HTR7: variants seen among roughly 807,000 people sequenced by gnomAD.
HTR7 encodes the protein 5-hydroxytryptamine receptor 7.
Under a neutral mutation model 34.0 loss-of-function variants are expected in HTR7, and 16 were observed. The observed-to-expected ratio is 0.47, with a 90% CI of 0.32 to 0.71. HTR7 has a LOEUF of 0.71. Ranked by LOEUF, HTR7 falls within the 30% of genes least tolerant of loss-of-function variation. The pLI, the probability that HTR7 is intolerant of heterozygous loss-of-function variation, is 0.04. For missense variants in HTR7, 504 were observed against 625.5 expected (o/e 0.81, Z 2.07); for synonymous variants, 265 against 260.2 (o/e 1.02, Z -0.18).
chr10:90,758,122 C>T (rs1033711573), intron 1 of HTR7, among the ~76,000 whole-genome samples: 6 of 151,726 alleles, frequency 4.0e-5, no homozygotes, highest in African/African-American at 1.5e-4. Context: ...CCAAGGAGGG[C>T]GGATCACGAG....
intron 1 of HTR7, among the ~76,000 whole-genome samples, chr10:90,837,804 CT>C (rs1181330911): frequency 6.6e-6 from 1 of 152,106 alleles, no homozygotes; most frequent in African/African-American, 2.4e-5. Flanking sequence ...GCCATCTCTC[CT>C]TTCCTCTCAT....
At chr10:90,834,263 T>C (rs1041990461) in intron 1 of HTR7, among the ~76,000 whole-genome samples, 2 of 152,120 alleles carry the variant, frequency 1.3e-5, no homozygotes, top group African/African-American at 4.8e-5. Context: ...CAAATAGTGC[T>C]CCTACCCTTG....
At position 90,857,116 on chromosome 10, in the gene HTR7, G is replaced by A. The variant is rs1846594142; in HGVS notation, c.539+17C>T. 1.3e-6 allele frequency: 2 copies of A among 1,531,262 alleles called. No individual in the cohort carries two copies. The highest frequency in any genetic ancestry group is 1.8e-6 in the Non-Finnish European group (2 of 1,135,298). The allele number at this position is 1,531,262 out of a possible 1,614,324, so 94.9% of individuals were successfully genotyped here. A position where few individuals can be genotyped will look rare whatever the true frequency, so the allele number is the denominator to read the frequency against. ...GGTCCCCAGCCGGAGCCTGGGACGG[G>A]GCGGTCCGGCCCTTACCTGTCAATG... On this transcript the variant is annotated intron_variant, in intron 1 of 3. Coordinates refer to ENST00000336152, the MANE Select transcript of HTR7 (RefSeq NM_019859.4). The surrounding 1 kb of genome is among the most constrained non-coding windows in gnomAD (Gnocchi z 6.5).
chr10:90,780,491 C>T (rs1158228399), intron 1 of HTR7, among the ~76,000 whole-genome samples: 2 of 144,430 alleles, frequency 1.4e-5, no homozygotes, highest in Non-Finnish European at 3.0e-5. Context: ...GAGCCGAGAT[C>T]GTGGCACTGC....
At chr10:90,808,545 C>A (rs1210880939) in intron 1 of HTR7, among the ~76,000 whole-genome samples, 1 of 151,286 alleles carries the variant, frequency 6.6e-6, no homozygotes, top group Non-Finnish European at 1.5e-5. Context: ...CACGCCCCAA[C>A]CTGTTATATC....
At chr10:90,780,840 C>A (rs917766422) in intron 1 of HTR7, among the ~76,000 whole-genome samples, 1 of 152,204 alleles carries the variant, frequency 6.6e-6, no homozygotes, top group Non-Finnish European at 1.5e-5. Context: ...CAGAAAGAGA[C>A]AGACATAACC....
At chr10:90,834,547 T>C (rs35358531) in intron 1 of HTR7, among the ~76,000 whole-genome samples, 9,248 of 152,140 alleles carry the variant, frequency 0.061, 380 homozygotes, top group East Asian at 0.11. Context: ...ATCATCTCAG[T>C]TGGGTTTTCT....
chr10:90,828,049 T>C (rs1846107708), intron 1 of HTR7, among the ~76,000 whole-genome samples: 1 of 151,682 alleles, frequency 6.6e-6, no homozygotes. Context: ...AAGAAATGAA[T>C]AACAAGCAAA....
chr10:90,769,379 A>C (rs765925430), intron 1 of HTR7, among the ~76,000 whole-genome samples: 9 of 152,198 alleles, frequency 5.9e-5, no homozygotes, highest in Non-Finnish European at 8.8e-5. Flanking sequence ...GATAATTGTT[A>C]ATTAATTTGC....
chr10:90,810,252 C>A (rs571312072), intron 1 of HTR7, among the ~76,000 whole-genome samples: 1 of 152,230 alleles, frequency 6.6e-6, no homozygotes, highest in Non-Finnish European at 1.5e-5. Context: ...CATCTCATTG[C>A]CACCTTTTCC....
Position 90,857,925 on chromosome 10 carries a change from G to A in HTR7, c.-254C>T, listed in dbSNP as rs903704911. On this transcript the variant is annotated 5_prime_UTR_variant, in exon 1 of 4. Transcript: ENST00000336152. This position sits in a 1 kb window ranked among gnomAD's most constrained non-coding sequence, Gnocchi z 6.5. ...GCTTCGGCCCCCGACGGACGCCTGG[G>A]ACGCGCGGAGTCGAGGGAGCTCGGG... 2.6e-5 allele frequency among the ~76,000 whole-genome samples: 4 copies of A among 151,294 alleles called. No individual in the cohort carries two copies. The highest frequency in any genetic ancestry group is 4.8e-5 in the African/African-American group (2 of 41,354).
At chr10:90,787,275 G>A (rs376965188) in intron 1 of HTR7, among the ~76,000 whole-genome samples, 1 of 152,246 alleles carries the variant, frequency 6.6e-6, no homozygotes, top group East Asian at 1.9e-4. Flanking sequence ...GGATCACAAG[G>A]TCAGGAGTTC....
chr10:90,757,203 A>G (rs529674102), intron 1 of HTR7, among the ~76,000 whole-genome samples: 1 of 152,362 alleles, frequency 6.6e-6, no homozygotes, highest in Non-Finnish European at 1.5e-5. Context: ...ACCCCATCCC[A>G]TAGAAGCAGT....
intron 1 of HTR7, among the ~76,000 whole-genome samples, chr10:90,780,197 A>G (rs1347363031): frequency 6.6e-6 from 1 of 152,222 alleles, no homozygotes; most frequent in Admixed American, 6.5e-5. Flanking sequence ...CCTGGGTGAC[A>G]TAGCAAGACC....
chr10:90,760,337 T>C (rs1428899451), intron 1 of HTR7, among the ~76,000 whole-genome samples: 3 of 152,104 alleles, frequency 2.0e-5, no homozygotes, highest in Non-Finnish European at 4.4e-5. Context: ...TAACAGAGGC[T>C]GGGAAGGGTA....
chr10:90,835,510 T>C (rs1321854475), intron 1 of HTR7, among the ~76,000 whole-genome samples: 1 of 152,236 alleles, frequency 6.6e-6, no homozygotes, highest in Admixed American at 6.5e-5. Flanking sequence ...TTCATATTCC[T>C]CTGCCTACCT....
intron 1 of HTR7, among the ~76,000 whole-genome samples, chr10:90,808,445 G>A (rs942314412): frequency 6.6e-6 from 1 of 152,082 alleles, no homozygotes; most frequent in Non-Finnish European, 1.5e-5. Flanking sequence ...CTGGGGGAGG[G>A]GCAAGTACCC....
intron 1 of HTR7, among the ~76,000 whole-genome samples, chr10:90,782,638 T>A (rs927427754): frequency 6.6e-6 from 1 of 151,264 alleles, no homozygotes; most frequent in Non-Finnish European, 1.5e-5. Flanking sequence ...AAATAAATAA[T>A]TGTGCTCTTA....
chr10:90,786,218 C>G (rs1257277755), intron 1 of HTR7, among the ~76,000 whole-genome samples: 1 of 152,184 alleles, frequency 6.6e-6, no homozygotes, highest in Non-Finnish European at 1.5e-5. Flanking sequence ...AGAGGATAAC[C>G]ATCGGGGTGC....
Sources: gnomAD v4.1 joint callset for allele counts (sites outside exome capture counted in the v4.1 genomes callset) on GRCh38, gnomAD v4.1.1 for gene constraint, Gnocchi (gnomAD v3.1) non-coding constraint, MANE v1.5 for transcripts, NCBI Gene and HGNC (gene_info 2026-07-23, HGNC 2026-07-21) for gene names.